SHMT1: variants seen among roughly 807,000 people sequenced by gnomAD.
SHMT1 encodes serine hydroxymethyltransferase, cytosolic.
SHMT1 carries 45 observed loss-of-function variants against 49.0 expected under a neutral mutation model. That is an observed-to-expected ratio of 0.92 (90% CI 0.72 to 1.18). SHMT1 has a LOEUF of 1.18. Among genes scored for constraint, SHMT1 ranks in the 50% most tolerant of loss-of-function variants. The probability of loss-of-function intolerance (pLI) is 0.00; values close to 1 mark genes in which losing one functional copy is unlikely to be tolerated. For missense variants in SHMT1, 541 were observed against 612.4 expected (o/e 0.88, Z 1.23); for synonymous variants, 232 against 246.6 (o/e 0.94, Z 0.55).
intron 11 of SHMT1, 117 bp from the exon 12 acceptor site, chr17:18,329,036 A>AAGGT: frequency 7.6e-7 from 1 of 1,322,710 alleles, no homozygotes; most frequent in Non-Finnish European, 1.1e-6. Context: ...GGCAGGGCAC[A>AAGGT]AGGTCTCCAT....
chr17:18,360,514 T>G (rs1986657670), intron 1 of SHMT1: 1 of 149,922 alleles, frequency 6.7e-6, no homozygotes, highest in South Asian at 2.1e-4. Flanking sequence ...GAGCCCAGAT[T>G]TTCCCACAGC....
intron 4 of SHMT1, chr17:18,348,116 C>A (rs1985290584): frequency 1.8e-6 from 1 of 570,126 alleles, no homozygotes; most frequent in Admixed American, 2.6e-5. Context: ...GACCGGGTTT[C>A]TCCATGTTGG....
At chr17:18,356,476 C>T (rs1986251826) in intron 1 of SHMT1, among the ~76,000 whole-genome samples, 1 of 152,150 alleles carries the variant, frequency 6.6e-6, no homozygotes, top group African/African-American at 2.4e-5. Flanking sequence ...GCTGGGACTA[C>T]AGGCGTGCGC....
intron 2 of SHMT1, among the ~76,000 whole-genome samples, 156 bp downstream of exon 2, chr17:18,355,730 C>T (rs1451780974): frequency 6.6e-6 from 1 of 152,138 alleles, no homozygotes; most frequent in African/African-American, 2.4e-5. Flanking sequence ...TAAATTTACC[C>T]TCAAAGGATT....
At chr17:18,344,320 G>A (rs1211340803) in intron 5 of SHMT1, among the ~76,000 whole-genome samples, 2 of 152,014 alleles carry the variant, frequency 1.3e-5, no homozygotes, top group Non-Finnish European at 2.9e-5. Flanking sequence ...ACCTGAATTT[G>A]GCAAAGAAAC....
chr17:18,346,320 C>T (rs1041861632), intron 5 of SHMT1, among the ~76,000 whole-genome samples: 1 of 152,178 alleles, frequency 6.6e-6, no homozygotes, highest in African/African-American at 2.4e-5. Context: ...GAATCACCAA[C>T]ACTGGACACT....
At chr17:18,361,361 C>T (rs1205426566) in intron 1 of SHMT1, among the ~76,000 whole-genome samples, 1 of 150,836 alleles carries the variant, frequency 6.6e-6, no homozygotes, top group Non-Finnish European at 1.5e-5. Context: ...CCTGTAATCC[C>T]AGCTACTCAG....
chr17:18,353,068 A>G (rs1985883838), intron 3 of SHMT1, among the ~76,000 whole-genome samples: 1 of 152,224 alleles, frequency 6.6e-6, no homozygotes, highest in African/African-American at 2.4e-5. Flanking sequence ...TTCCTTCTCC[A>G]AGGGTGACCT....
rs1984464265 is a variant in SHMT1 at position 18,341,185 on chromosome 17, T to C, written c.520-372A>G. ...AATACTACTTCTATTCCAAGTATAATGAGGCAAGAAAAAGAAACAAAAGGC... is the reference window on the plus strand; with the variant it reads ...AATACTACTTCTATTCCAAGTATAACGAGGCAAGAAAAAGAAACAAAAGGC... On this transcript the variant is annotated intron_variant, in intron 5 of 11. Transcript: ENST00000316694. The C allele has an allele frequency of 1.1e-5, 3 of 270,724 alleles. No individual in the cohort carries two copies. In the Admixed American group the frequency reaches 1.5e-4, roughly 13 times the overall value. The allele number at this position is 270,724 out of a possible 1,614,324, so 16.8% of individuals were successfully genotyped here. A position where few individuals can be genotyped will look rare whatever the true frequency, so the allele number is the denominator to read the frequency against.
chr17:18,348,708 C>G (rs1346869610), intron 3 of SHMT1: 2 of 562,742 alleles, frequency 3.6e-6, no homozygotes. Context: ...GGAGAGGTGG[C>G]TTATACCTAT....
chr17:18,352,464 G>A (rs1311879418), intron 3 of SHMT1, among the ~76,000 whole-genome samples: 1 of 151,108 alleles, frequency 6.6e-6, no homozygotes, highest in Non-Finnish European at 1.5e-5. Context: ...TAAAAATGTA[G>A]AAAACATCAC....
chr17:18,329,458 G>A (rs1434974223), intron 10 of SHMT1, 70 bp from the exon 11 acceptor site: 9 of 1,236,490 alleles, frequency 7.3e-6, no homozygotes, highest in Non-Finnish European at 8.2e-6. Context: ...ATTTAAAAAG[G>A]GACATGTGGG....
chr17:18,344,754 T>C (rs980120306), intron 5 of SHMT1, among the ~76,000 whole-genome samples: 1 of 152,022 alleles, frequency 6.6e-6, no homozygotes, highest in African/African-American at 2.4e-5. Context: ...GCACAGAGGA[T>C]AAGGAAGGAG....
intron 5 of SHMT1, among the ~76,000 whole-genome samples, chr17:18,344,934 G>C (rs1235148023): frequency 6.6e-6 from 1 of 152,202 alleles, no homozygotes; most frequent in East Asian, 1.9e-4. Context: ...AGGCGGTCTG[G>C]TGAAGGCTGG....
chr17:18,350,769 G>C (rs926471508), intron 3 of SHMT1, among the ~76,000 whole-genome samples: 4 of 149,002 alleles, frequency 2.7e-5, no homozygotes, highest in African/African-American at 9.9e-5. Context: ...GTCTTGCTCT[G>C]TCTCCCAGGC....
intron 8 of SHMT1, among the ~76,000 whole-genome samples, chr17:18,333,774 A>G (rs1983499520): frequency 6.9e-6 from 1 of 145,088 alleles, no homozygotes; most frequent in South Asian, 2.2e-4. Context: ...CAGCTAAAAA[A>G]ATTTTTTATT....
At chr17:18,358,909 T>G (rs745893621) in intron 1 of SHMT1, among the ~76,000 whole-genome samples, 40 of 151,700 alleles carry the variant, frequency 2.6e-4, no homozygotes, top group Non-Finnish European at 4.6e-4. Flanking sequence ...TGTGTGTGTG[T>G]TTTTTTCTTT....
chr17:18,328,834 C>G lies in SHMT1; in HGVS notation c.1368G>C (p.Lys456Asn), dbSNP rs752285121. The change falls in exon 12 of 12, where the codon AAG becomes AAC. Residue 456 changes from lysine (K) to asparagine (N), a missense_variant. Coordinates refer to ENST00000316694, the MANE Select transcript of SHMT1 (RefSeq NM_004169.5). The stretch of plus-strand genomic sequence containing the variant: ...GGAGAGCCTGCACGGCCGCCTGGTA[C>G]TTATCCCCTGCCAGTCTCTCCTTGA... ...KEFKERLAGD[K>N]YQAAVQALRE... 1.5e-5 allele frequency: 24 copies of G among 1,613,600 alleles called. No individual in the cohort carries two copies. Among genetic ancestry groups the G allele is most frequent in the Non-Finnish European group, 2.0e-5 (24 of 1,180,020 alleles).
At chr17:18,361,605 G>C (rs1986782594) in intron 1 of SHMT1, among the ~76,000 whole-genome samples, 1 of 151,908 alleles carries the variant, frequency 6.6e-6, no homozygotes, top group African/African-American at 2.4e-5. Flanking sequence ...GGCTAACATG[G>C]TGAAACCCCG....
Sources: allele counts gnomAD v4.1 joint callset (sites outside exome capture counted in the v4.1 genomes callset), GRCh38; gene constraint gnomAD v4.1.1; transcripts MANE v1.5; gene names NCBI Gene and HGNC (gene_info 2026-07-23, HGNC 2026-07-21).